The following DPP6 variants were observed in gnomAD, a reference collection of about 807,000 sequenced individuals.
DPP6 encodes the protein A-type potassium channel modulatory protein DPP6.
In DPP6, 69 loss-of-function variants were observed where a neutral mutation model predicts 122.6. The observed-to-expected ratio is 0.56, with a 90% CI of 0.46 to 0.69. The LOEUF (loss-of-function observed/expected upper bound fraction) is 0.69. DPP6 is among the 30% of genes least tolerant of loss of function. The pLI is 0.00. For missense variants in DPP6, 928 were observed against 1,116.9 expected (o/e 0.83, Z 2.41); for synonymous variants, 418 against 433.1 (o/e 0.97, Z 0.43).
chr7:153,852,383 A>G, the DPP6 span, among the ~76,000 whole-genome samples: 1 of 152,092 alleles, frequency 6.6e-6, no homozygotes, highest in Non-Finnish European at 1.5e-5. Context: ...GATGGAAGGC[A>G]AAGGGGGAGC....
At chr7:153,771,678 A>G in the DPP6 span, among the ~76,000 whole-genome samples, 1 of 152,178 alleles carries the variant, frequency 6.6e-6, no homozygotes, top group Non-Finnish European at 1.5e-5. Flanking sequence ...GAAAGAAAAG[A>G]GTCAACACAG....
intron 5 of DPP6, among the ~76,000 whole-genome samples, chr7:154,621,578 G>A (rs1053020728): frequency 6.6e-6 from 1 of 152,130 alleles, no homozygotes; most frequent in Admixed American, 6.6e-5. Flanking sequence ...TGTTGGCCAG[G>A]CTGGTCTTGA....
rs1375862066 is a variant in DPP6, at chr7:154,510,051, C to A, written c.458-30481C>A. Among the ~76,000 whole-genome samples the A allele has an allele frequency of 3.9e-5, 6 of 152,114 alleles. No individual in the cohort carries two copies. In the South Asian group the frequency reaches 1.2e-3, roughly 31 times the overall value. ...CACATGTCTGTGAATACGTTAAAGA[C>A]CATTAAATTGTGCACTTTAAATTGA... On this transcript the variant is annotated intron_variant, in intron 3 of 25. Coordinates refer to ENST00000377770, the MANE Select transcript of DPP6 (RefSeq NM_130797.4).
chr7:154,796,863 G>A (rs550938280), intron 12 of DPP6, among the ~76,000 whole-genome samples: 4 of 152,272 alleles, frequency 2.6e-5, no homozygotes, highest in East Asian at 3.9e-4. Flanking sequence ...GGGCTGCTCC[G>A]AAATGTATCC....
chr7:153,892,708 C>T (rs1563212049), intron 1 of DPP6, among the ~76,000 whole-genome samples: 1 of 152,166 alleles, frequency 6.6e-6, no homozygotes, highest in African/African-American at 2.4e-5. Context: ...AGATTGGTCA[C>T]TTGGTAACAA....
chr7:154,127,620 C>CACACACACACACACACACACACAG (rs1563225612), intron 1 of DPP6, among the ~76,000 whole-genome samples: 17 of 119,486 alleles, frequency 1.4e-4, no homozygotes, highest in African/African-American at 6.1e-4. Flanking sequence ...CACACACACA[C>CACACACACACACACACACACACAG]ACACACACAC....
chr7:153,843,271 T>TGC, the DPP6 span, among the ~76,000 whole-genome samples: 3,800 of 148,418 alleles, frequency 0.026, 138 homozygotes, highest in African/African-American at 0.088. Context: ...CACACACGCA[T>TGC]GCGCGCGCGC....
Position 154,052,687 on chromosome 7 carries a change from TTGC to T in DPP6, c.-115_-113del, listed in dbSNP as rs374262699. Reference sequence around the variant, plus strand: ...AGCGGCCGCCGGCGCTGGGCTTGCCTTGCTGCTGCTGCTGCTGCTGCCTCCCCA... The same window carrying T: ...AGCGGCCGCCGGCGCTGGGCTTGCCTTGCTGCTGCTGCTGCTGCCTCCCCA... On this transcript the variant is annotated 5_prime_UTR_variant, in exon 1 of 26. Transcript: ENST00000377770. This position sits in a 1 kb window ranked among gnomAD's most constrained non-coding sequence, Gnocchi z 4.8. 515,347 of 1,159,318 alleles carry T rather than the reference TTGC, an allele frequency of 0.44. 115,946 individuals carry two copies. The highest frequency in any genetic ancestry group is 0.5 in the African/African-American group (28,880 of 58,298). 71.8% of individuals were successfully genotyped at this position (1,159,318 alleles called of 1,614,324 possible). A position where few individuals can be genotyped will look rare whatever the true frequency, so the allele number is the denominator to read the frequency against.
chr7:154,201,605 C>T (rs7778228), intron 1 of DPP6, among the ~76,000 whole-genome samples: 3 of 152,156 alleles, frequency 2.0e-5, no homozygotes, highest in Non-Finnish European at 2.9e-5. Flanking sequence ...GGTCCCACGC[C>T]GGACTGTGGA....
At chr7:154,459,209 G>T (rs1184031892) in intron 2 of DPP6, among the ~76,000 whole-genome samples, 1 of 149,586 alleles carries the variant, frequency 6.7e-6, no homozygotes, top group African/African-American at 2.4e-5. Context: ...GATAATTTCT[G>T]AGACTAAGTA....
intron 3 of DPP6, among the ~76,000 whole-genome samples, chr7:154,509,335 A>C (rs111698309): frequency 6.6e-6 from 1 of 152,228 alleles, no homozygotes; most frequent in Non-Finnish European, 1.5e-5. Context: ...GAGGAGACAT[A>C]TCTCCAAGAA....
chr7:154,828,694 G>C (rs59724748), intron 16 of DPP6, among the ~76,000 whole-genome samples: 334 of 152,302 alleles, frequency 2.2e-3, no homozygotes, highest in African/African-American at 7.6e-3. Context: ...GATCATTATA[G>C]TTCAGGCACA....
At chr7:154,070,764 G>T (rs1167642627) in intron 1 of DPP6, among the ~76,000 whole-genome samples, 1 of 152,096 alleles carries the variant, frequency 6.6e-6, no homozygotes, top group African/African-American at 2.4e-5. Context: ...TTGAAGGTAT[G>T]GGAAACTGTA....
chr7:154,150,970 G>A (rs1044406900), intron 1 of DPP6, among the ~76,000 whole-genome samples: 1 of 152,084 alleles, frequency 6.6e-6, no homozygotes, highest in Non-Finnish European at 1.5e-5. Context: ...TTCCTAGATA[G>A]CTGCTTCCTG....
intron 1 of DPP6, among the ~76,000 whole-genome samples, chr7:154,278,707 T>G (rs1804296574): frequency 6.6e-6 from 1 of 152,234 alleles, no homozygotes; most frequent in African/African-American, 2.4e-5. Flanking sequence ...TTGGAAGTAT[T>G]TTAATGTATT....
chr7:154,111,749 C>T lies in DPP6; in HGVS notation c.243+58686C>T, dbSNP rs116762617. On this transcript the variant is annotated intron_variant, in intron 1 of 25. Coordinates refer to ENST00000377770, the MANE Select transcript of DPP6 (RefSeq NM_130797.4). ...TTCAGACTGAAACCTGAAATCCCATCTGAATATGGCTGAAGCAAATCTGCA... is the reference window on the plus strand; with the variant it reads ...TTCAGACTGAAACCTGAAATCCCATTTGAATATGGCTGAAGCAAATCTGCA... Among the ~76,000 whole-genome samples, 930 of 152,084 alleles carry T rather than the reference C, an allele frequency of 6.1e-3. 11 individuals carry two copies. The highest frequency in any genetic ancestry group is 0.021 in the African/African-American group (866 of 41,484).
At chr7:154,885,826 CT>C in intron 22 of DPP6, 82 bp downstream of exon 22, 1 of 1,523,868 alleles carries the variant, frequency 6.6e-7, no homozygotes, top group Non-Finnish European at 8.8e-7. Context: ...ACAGCCCTCC[CT>C]TCAGCACCAC....
chr7:154,119,350 C>G (rs1488452444), intron 1 of DPP6, among the ~76,000 whole-genome samples: 1 of 152,180 alleles, frequency 6.6e-6, no homozygotes, highest in Admixed American at 6.5e-5. Context: ...TTCACTCAAA[C>G]TAGTAAAGAA....
chr7:153,840,615 A>G, the DPP6 span, among the ~76,000 whole-genome samples: 21 of 152,340 alleles, frequency 1.4e-4, no homozygotes, highest in South Asian at 3.7e-3. Context: ...AACAGTCAGA[A>G]CTCCAAATGT....
Sources: allele counts gnomAD v4.1 joint callset (sites outside exome capture counted in the v4.1 genomes callset), GRCh38; gene constraint gnomAD v4.1.1; non-coding constraint Gnocchi (gnomAD v3.1); transcripts MANE v1.5; gene names NCBI Gene and HGNC (gene_info 2026-07-23, HGNC 2026-07-21).